Variants in FER1L6 observed in about 807,000 individuals in gnomAD.
FER1L6 encodes the protein fer-1-like protein 6.
A neutral mutation model predicts 219.2 loss-of-function variants in FER1L6; 177 were observed. That is an observed-to-expected ratio of 0.81 (90% CI 0.71 to 0.91). The LOEUF (loss-of-function observed/expected upper bound fraction) is 0.91, where lower values mean the gene tolerates loss of function less well. FER1L6 is among the 40% of genes least tolerant of loss of function. FER1L6 has a pLI of 0.00. For synonymous variants in FER1L6, 768 were observed against 824.3 expected (o/e 0.93, Z 1.17); for missense variants, 2,153 against 2,259.9 (o/e 0.95, Z 0.96).
Position 124,061,866 on chromosome 8 carries a change from C to T in FER1L6, c.3162C>T (p.Asn1054=), listed in dbSNP as rs770073727. The change falls in exon 25 of 41, where the codon AAC becomes AAT. Residue 1054 remains asparagine, a synonymous_variant. Transcript: ENST00000522917. ...TCTCTCTGCAGGAACTGCCTGAGAA[C>T]GAGCTTCTGCACCCGCCACTGAGCA... The part of the protein sequence containing the change: ...ADAFEVELPE[N]ELLHPPLSIC... 8.7e-6 allele frequency: 14 copies of T among 1,613,594 alleles called. No individual in the cohort carries two copies. The East Asian group carries it at 1.3e-4, about 15-fold the overall frequency.
intron 1 of FER1L6, among the ~76,000 whole-genome samples, chr8:123,955,192 C>T (rs1814960783): frequency 6.6e-6 from 1 of 152,116 alleles, no homozygotes; most frequent in Non-Finnish European, 1.5e-5. Context: ...TTGCTTGAAC[C>T]CGGGAGGTGG....
intron 11 of FER1L6, among the ~76,000 whole-genome samples, chr8:123,982,190 G>A (rs1045897746): frequency 6.6e-6 from 1 of 152,186 alleles, no homozygotes; most frequent in African/African-American, 2.4e-5. Context: ...TTCACCAGAA[G>A]TTGTGGGTGG....
In FER1L6 at chr8:124,013,458, T is replaced by C. The variant is rs1818034951; in HGVS notation, c.1849T>C (p.Leu617=). Reference sequence around the variant, plus strand: ...AGAAAGTATAGAAGAAGTGAGAGAATTGATCAAGATTTCACAGGAGGCACC... The same window carrying C: ...AGAAAGTATAGAAGAAGTGAGAGAACTGATCAAGATTTCACAGGAGGCACC... The part of the protein sequence containing the change: ...LEESIEEVRE[L]IKISQEAPEE... Residue 617 remains leucine, a synonymous_variant, in exon 15 of 41, where the codon TTG becomes CTG. Coordinates refer to ENST00000522917, the MANE Select transcript of FER1L6 (RefSeq NM_001039112.2). The C allele has an allele frequency of 6.2e-7, 1 of 1,609,272 alleles. No individual in the cohort carries two copies. The highest frequency in any genetic ancestry group is 8.5e-7 in the Non-Finnish European group (1 of 1,178,638).
chr8:123,971,417 T>A (rs1337942812), intron 6 of FER1L6, among the ~76,000 whole-genome samples: 1 of 152,180 alleles, frequency 6.6e-6, no homozygotes, highest in Non-Finnish European at 1.5e-5. Context: ...GGCAACCATC[T>A]GTTTATGGAA....
intron 16 of FER1L6, among the ~76,000 whole-genome samples, chr8:124,017,970 T>G (rs538595799): frequency 6.6e-6 from 1 of 152,344 alleles, no homozygotes; most frequent in African/African-American, 2.4e-5. Context: ...CTTGCTCATT[T>G]TCTTGACCTT....
At position 123,852,977 on chromosome 8, in the gene FER1L6, C is replaced by A. The variant is rs76028112; in HGVS notation, c.-8+792C>A. 0.025 allele frequency among the ~76,000 whole-genome samples: 3,792 copies of A among 152,098 alleles called. 64 individuals carry two copies. Among genetic ancestry groups the A allele is most frequent in the Middle Eastern group, 0.048 (14 of 294 alleles). On this transcript the variant is annotated intron_variant, in intron 1 of 40. Transcript: ENST00000522917. This position sits in a 1 kb window ranked among gnomAD's most constrained non-coding sequence, Gnocchi z 4.9. Reference sequence around the variant, plus strand: ...AATATGTATTAGATATAGATGTATTCTATGTGTCTATTTAGCTACCTATCA... The same window carrying A: ...AATATGTATTAGATATAGATGTATTATATGTGTCTATTTAGCTACCTATCA...
At position 124,119,850 on chromosome 8, in the gene FER1L6, C is replaced by A. The variant is rs375458727; in HGVS notation, c.*60C>A. 5.2e-6 allele frequency: 8 copies of A among 1,531,980 alleles called. No individual in the cohort carries two copies. The African/African-American group carries it at 8.2e-5, about 16-fold the overall frequency. 94.9% of individuals were successfully genotyped at this position (1,531,980 alleles called of 1,614,324 possible). ...TAATCCTCTCTTCCTTATCTGGGAG[C>A]ATCTAAGAACATGTCCCATGCATGG... On this transcript the variant is annotated 3_prime_UTR_variant, in exon 41 of 41. Coordinates refer to ENST00000522917, the MANE Select transcript of FER1L6 (RefSeq NM_001039112.2).
At chr8:124,005,328 C>T (rs780319654) in intron 13 of FER1L6, among the ~76,000 whole-genome samples, 11 of 152,212 alleles carry the variant, frequency 7.2e-5, no homozygotes, top group Non-Finnish European at 1.6e-4. Flanking sequence ...TAGTCTACTT[C>T]TCCACCTTCA....
chr8:123,881,743 G>A (rs1817114682), intron 1 of FER1L6, among the ~76,000 whole-genome samples: 1 of 152,130 alleles, frequency 6.6e-6, no homozygotes, highest in African/African-American at 2.4e-5. Flanking sequence ...TCGTCTTACT[G>A]GGGAGAAGAG....
At chr8:123,939,252 T>G (rs1814132170) in intron 1 of FER1L6, 1 of 927,754 alleles carries the variant, frequency 1.1e-6, no homozygotes, top group Admixed American at 6.2e-5. Context: ...TCTGTGGTAC[T>G]TTTGTATTTT....
chr8:124,070,790 G>A lies in FER1L6; in HGVS notation c.3966+192G>A, dbSNP rs150496030. ...AGATATTTTTGGTTTGTGACCAGTG[G>A]ATTGGAGCTCAGTCTGGTGAAAAAT... On this transcript the variant is annotated intron_variant, in intron 30 of 40. Transcript: ENST00000522917. Among the ~76,000 whole-genome samples the A allele has an allele frequency of 5.8e-4, 89 of 152,278 alleles. No homozygotes were observed. The highest frequency in any genetic ancestry group is 1.2e-3 in the South Asian group (6 of 4,824).
intron 38 of FER1L6, 90 bp downstream of exon 38, chr8:124,101,428 A>G (rs1013195888): frequency 4.9e-6 from 6 of 1,233,160 alleles, no homozygotes; most frequent in East Asian, 4.7e-5. Context: ...TACAAGACTA[A>G]TAATTTCAGC....
chr8:123,971,893 A>C (rs575433717), intron 6 of FER1L6, among the ~76,000 whole-genome samples: 1 of 152,284 alleles, frequency 6.6e-6, no homozygotes, highest in East Asian at 1.9e-4. Context: ...CTGGTGATTT[A>C]ACACTTGACC....
At chr8:124,024,719 G>A (rs1041638175) in intron 18 of FER1L6, among the ~76,000 whole-genome samples, 2 of 152,168 alleles carry the variant, frequency 1.3e-5, no homozygotes, top group South Asian at 4.1e-4. Context: ...ATACCCAATA[G>A]TGGGTAGTGG....
chr8:124,007,186 G>T (rs1817694997), intron 13 of FER1L6, among the ~76,000 whole-genome samples: 1 of 152,164 alleles, frequency 6.6e-6, no homozygotes, highest in Non-Finnish European at 1.5e-5. Flanking sequence ...GAGGAAATTT[G>T]CGTGGAAGAG....
At chr8:123,982,239 G>A (rs1816355996) in intron 11 of FER1L6, among the ~76,000 whole-genome samples, 1 of 152,134 alleles carries the variant, frequency 6.6e-6, no homozygotes, top group South Asian at 2.1e-4. Context: ...ATCTATCCCT[G>A]TAGTCGTTTT....
chr8:124,075,878 T>G (rs1407146427), intron 31 of FER1L6, among the ~76,000 whole-genome samples: 2 of 152,228 alleles, frequency 1.3e-5, no homozygotes, highest in Non-Finnish European at 2.9e-5. Context: ...TGCCTCCTGG[T>G]CCGGCATTTT....
chr8:123,898,732 GTATATATACA>G, intron 1 of FER1L6, among the ~76,000 whole-genome samples: 1 of 135,072 alleles, frequency 7.4e-6, no homozygotes, highest in African/African-American at 2.8e-5. Context: ...TGTATATATA[GTATATATACA>G]TATATACTAT....
rs373973388 is a variant in FER1L6 at position 124,062,466 on chromosome 8, C to A, written c.3328+434C>A. 1.5e-4 allele frequency among the ~76,000 whole-genome samples: 23 copies of A among 152,256 alleles called. No individual in the cohort carries two copies. The East Asian group carries it at 4.2e-3, about 28-fold the overall frequency. The stretch of plus-strand genomic sequence containing the variant: ...CCTTATCTCTAATCCCAGTGCCCTC[C>A]CCACTGCAGGCCTTACGCCAGCATC... On this transcript the variant is annotated intron_variant, in intron 25 of 40. Transcript: ENST00000522917.
Sources: gnomAD v4.1 joint callset for allele counts (sites outside exome capture counted in the v4.1 genomes callset) on GRCh38, gnomAD v4.1.1 for gene constraint, Gnocchi (gnomAD v3.1) non-coding constraint, MANE v1.5 for transcripts, NCBI Gene and HGNC (gene_info 2026-07-23, HGNC 2026-07-21) for gene names.